MAN2A1: variants seen among roughly 807,000 people sequenced by gnomAD.
MAN2A1 encodes mannosidase alpha class 2A member 1, also known as alpha-mannosidase 2.
A neutral mutation model predicts 142.6 loss-of-function variants in MAN2A1; 76 were observed. The observed-to-expected ratio is 0.53, with a 90% CI of 0.44 to 0.65. The LOEUF (loss-of-function observed/expected upper bound fraction) is 0.65. Ranked by LOEUF, MAN2A1 falls within the 30% of genes least tolerant of loss-of-function variation. MAN2A1 has a pLI of 0.00. For missense variants in MAN2A1, 1,311 were observed against 1,365.1 expected, an observed-to-expected ratio of 0.96 and a Z score of 0.62; for synonymous variants, 559 against 473.2, an observed-to-expected ratio of 1.18 and a Z score of -2.35.
chr5:109,812,289 G>T (rs1422713266), intron 12 of MAN2A1, among the ~76,000 whole-genome samples: 3 of 151,994 alleles, frequency 2.0e-5, no homozygotes, highest in Non-Finnish European at 4.4e-5. Context: ...GTTTGAATGT[G>T]TCTGACTCAA....
Position 109,713,532 on chromosome 5 carries a change from A to C in MAN2A1, c.148A>C (p.Met50Leu), listed in dbSNP as rs199806462. 4 of 1,607,528 alleles carry C rather than the reference A, an allele frequency of 2.5e-6. No individual in the cohort carries two copies. Among genetic ancestry groups the C allele is most frequent in the Non-Finnish European group, 2.6e-6 (3 of 1,174,992 alleles). The change falls in exon 2 of 22, where the codon ATG becomes CTG. Residue 50 changes from methionine (M) to leucine (L), a missense_variant. By Grantham distance (15) the Met-to-Leu change is conservative (BLOSUM62 2). This residue lies in a region of MAN2A1 where 409 missense variants were observed against 412.7 expected (regional missense o/e 0.99). Coordinates refer to ENST00000261483, the MANE Select transcript of MAN2A1 (RefSeq NM_002372.4). ...EGSFPQGQLS[M>L]LQEKIDHLER... ...TTTTTTATTGTAGGGCCAGCTCTCA[A>C]TGTTGCAAGAAAAAATAGACCATTT...
chr5:109,867,699 C>G lies in MAN2A1; in HGVS notation c.*701C>G, dbSNP rs1468090989. The stretch of plus-strand genomic sequence containing the variant: ...ATGGGTGCAATTTATTCCATCTTCA[C>G]TAAAATAGAAGCAATTCCATAGGTA... On this transcript the variant is annotated 3_prime_UTR_variant, in exon 22 of 22. Transcript: ENST00000261483. The G allele has an allele frequency of 1.3e-5, 2 of 152,564 alleles. No homozygotes were observed. Among genetic ancestry groups the G allele is most frequent in the African/African-American group, 4.8e-5 (2 of 41,416 alleles). 9.5% of individuals were successfully genotyped at this position (152,564 alleles called of 1,614,324 possible). A position where few individuals can be genotyped will look rare whatever the true frequency, so the allele number is the denominator to read the frequency against.
At chr5:109,720,649 A>G (rs1182108400) in intron 3 of MAN2A1, among the ~76,000 whole-genome samples, 1 of 152,218 alleles carries the variant, frequency 6.6e-6, no homozygotes, top group Non-Finnish European at 1.5e-5. Flanking sequence ...CCACACATAA[A>G]ATACACTAAC....
intron 3 of MAN2A1, among the ~76,000 whole-genome samples, chr5:109,722,120 CT>C (rs1414291872): frequency 6.6e-6 from 1 of 152,164 alleles, no homozygotes; most frequent in Non-Finnish European, 1.5e-5. Context: ...GATAATTCTT[CT>C]GAAACCACAG....
At chr5:109,842,046 CAG>C (rs1432558056) in intron 16 of MAN2A1, among the ~76,000 whole-genome samples, 2 of 152,194 alleles carry the variant, frequency 1.3e-5, no homozygotes, top group Non-Finnish European at 2.9e-5. Context: ...CTCTAGAACT[CAG>C]AGAATCATTT....
chr5:109,780,353 C>T (rs906580144), intron 8 of MAN2A1, among the ~76,000 whole-genome samples: 2 of 152,140 alleles, frequency 1.3e-5, no homozygotes, highest in Non-Finnish European at 2.9e-5. Flanking sequence ...GCCACCACAC[C>T]CGGCCAGTTG....
intron 7 of MAN2A1, among the ~76,000 whole-genome samples, chr5:109,773,038 G>A (rs73785025): frequency 0.07 from 10,686 of 152,130 alleles, 409 homozygotes; most frequent in African/African-American, 0.1. Context: ...TTACAGTTAA[G>A]TTGACATTTC....
At chr5:109,802,070 A>T (rs2112698496) in intron 12 of MAN2A1, among the ~76,000 whole-genome samples, 1 of 152,242 alleles carries the variant, frequency 6.6e-6, no homozygotes, top group Non-Finnish European at 1.5e-5. Flanking sequence ...CTTGGGCAGC[A>T]CTGTACTGGT....
rs1195765160 is a variant in MAN2A1 at position 109,690,334 on chromosome 5, C to T, written c.-84C>T. On this transcript the variant is annotated 5_prime_UTR_variant, in exon 1 of 22. Coordinates refer to ENST00000261483, the MANE Select transcript of MAN2A1 (RefSeq NM_002372.4). ...GTCGCGCAGCCCGGGAGAAGGGAGC[C>T]TCCGGCGGCTGCTTCCTAGAGTCCA... 6 of 1,472,490 alleles carry T rather than the reference C, an allele frequency of 4.1e-6. No homozygotes were observed. The highest frequency in any genetic ancestry group is 5.7e-6 in the Non-Finnish European group (6 of 1,055,072). 91.2% of individuals were successfully genotyped at this position (1,472,490 alleles called of 1,614,324 possible).
chr5:109,730,557 G>A (rs534961687), intron 4 of MAN2A1, among the ~76,000 whole-genome samples: 15 of 96,902 alleles, frequency 1.5e-4, no homozygotes, highest in Admixed American at 1.1e-3. Flanking sequence ...TTAAAAAACT[G>A]ATTAAAAAAA....
At chr5:109,730,069 T>C (rs972707594) in intron 4 of MAN2A1, among the ~76,000 whole-genome samples, 1 of 152,132 alleles carries the variant, frequency 6.6e-6, no homozygotes, top group Non-Finnish European at 1.5e-5. Flanking sequence ...AGTTTAAAAG[T>C]TTTTTTTAAG....
intron 20 of MAN2A1, chr5:109,862,834 C>T (rs1471626138): frequency 1.3e-5 from 2 of 152,062 alleles, no homozygotes; most frequent in African/African-American, 4.8e-5. Flanking sequence ...ATTGCTATTT[C>T]AGTTCGTTTT....
chr5:109,781,685 T>C (rs1394148869), intron 9 of MAN2A1, 87 bp downstream of exon 9: 1 of 845,116 alleles, frequency 1.2e-6, no homozygotes, highest in Non-Finnish European at 1.8e-6. Context: ...TATACATCAT[T>C]CATGTAGTAC....
At chr5:109,732,700 G>A (rs971452930) in intron 4 of MAN2A1, among the ~76,000 whole-genome samples, 2 of 152,130 alleles carry the variant, frequency 1.3e-5, no homozygotes, top group Admixed American at 6.5e-5. Context: ...TCTGAGGGCT[G>A]TGTTCTGTTC....
At chr5:109,713,846 C>G (rs934966644) in intron 2 of MAN2A1, 72 bp downstream of exon 2, 1 of 1,408,118 alleles carries the variant, frequency 7.1e-7, no homozygotes, top group Non-Finnish European at 9.6e-7. Context: ...GACCTGATGT[C>G]TGTTCTGACT....
At chr5:109,818,742 A>G (rs562338542) in intron 13 of MAN2A1, among the ~76,000 whole-genome samples, 1 of 152,324 alleles carries the variant, frequency 6.6e-6, no homozygotes, top group East Asian at 1.9e-4. Context: ...CAGCCAAACA[A>G]TTGAGAATGA....
intron 1 of MAN2A1, among the ~76,000 whole-genome samples, chr5:109,698,594 A>G (rs1750881685): frequency 6.6e-6 from 1 of 152,146 alleles, no homozygotes; most frequent in Admixed American, 6.5e-5. Flanking sequence ...TTCACATGTA[A>G]ATGGATTTAC....
At chr5:109,847,551 G>A in intron 18 of MAN2A1, 106 bp from the exon 19 acceptor site, 1 of 1,021,314 alleles carries the variant, frequency 9.8e-7, no homozygotes, top group South Asian at 3.3e-5. Context: ...TGACTAGAGA[G>A]GAAATTTAGA....
chr5:109,865,680 G>T (rs1755861696), intron 21 of MAN2A1, among the ~76,000 whole-genome samples: 2 of 152,210 alleles, frequency 1.3e-5, no homozygotes, highest in African/African-American at 4.8e-5. Flanking sequence ...TGTAGGTCTT[G>T]GTCTTCTGAT....
Sources: gnomAD v4.1 joint callset for allele counts (sites outside exome capture counted in the v4.1 genomes callset) on GRCh38, gnomAD v4.1.1 for gene constraint, gnomAD v4.1.1 regional missense constraint, MANE v1.5 for transcripts, NCBI Gene and HGNC (gene_info 2026-07-23, HGNC 2026-07-21) for gene names.